The following SOS2 variants were observed in gnomAD, a reference collection of about 807,000 sequenced individuals.
The protein encoded by SOS2 is son of sevenless homolog 2.
In SOS2, 65 loss-of-function variants were observed where a neutral mutation model predicts 148.2. That is an observed-to-expected ratio of 0.44 (90% CI 0.36 to 0.54). The LOEUF (loss-of-function observed/expected upper bound fraction) is 0.54, where lower values mean the gene tolerates loss of function less well. Among genes scored for constraint, SOS2 ranks in the 20% least tolerant of loss-of-function variants. SOS2 has a pLI of 0.00. For synonymous variants in SOS2, 539 were observed against 537.1 expected, an observed-to-expected ratio of 1.00 and a Z score of -0.05; for missense variants, 1,341 against 1,590.2, an observed-to-expected ratio of 0.84 and a Z score of 2.67.
intron 16 of SOS2, among the ~76,000 whole-genome samples, chr14:50,143,149 T>C (rs1388525219): frequency 6.6e-6 from 1 of 151,940 alleles, no homozygotes; most frequent in East Asian, 1.9e-4. Context: ...CTTTAATATA[T>C]GAAAAATCCA....
chr14:50,201,532 G>A (rs1215229011), intron 2 of SOS2, among the ~76,000 whole-genome samples: 1,084 of 90,344 alleles, frequency 0.012, no homozygotes, highest in South Asian at 0.017. Context: ...ACCCCCAACA[G>A]AAAAAAAAAA....
chr14:50,159,635 G>A lies in SOS2; in HGVS notation c.1648C>T (p.Arg550Ter). ...ISLHYRSTLD[R>*]MLDSVLLKEE... is the part of the protein sequence containing the mutation. ...TTCAATAATACTGAATCTAACATTC[G>A]ATCTAGAGTACTACGATAATGAAGA... Residue 550 changes from arginine (R) to a stop codon, truncating the protein, a stop_gained, in exon 10 of 23, where the codon CGA becomes TGA. Transcript: ENST00000216373. LOFTEE classifies it high-confidence loss of function. The A allele has an allele frequency of 1.2e-6, 2 of 1,613,380 alleles. No individual in the cohort carries two copies. The highest frequency in any genetic ancestry group is 1.7e-6 in the Non-Finnish European group (2 of 1,179,502).
At chr14:50,217,648 AC>A (rs1437575131) in intron 1 of SOS2, among the ~76,000 whole-genome samples, 9 of 152,216 alleles carry the variant, frequency 5.9e-5, no homozygotes, top group African/African-American at 2.2e-4. Flanking sequence ...CCCTAAAAAA[AC>A]AAATTGATAA....
chr14:50,161,792 T>TC (rs983192032), intron 8 of SOS2, among the ~76,000 whole-genome samples, 183 bp from the exon 9 acceptor site: 55 of 64,304 alleles, frequency 8.6e-4, no homozygotes, highest in African/African-American at 3.4e-3. Context: ...TTTCTTTCTT[T>TC]TTTTTTTTTT....
intron 16 of SOS2, 89 bp downstream of exon 16, chr14:50,145,076 GAATTT>G (rs1267398234): frequency 6.6e-6 from 4 of 601,588 alleles, no homozygotes; most frequent in African/African-American, 3.9e-5. Flanking sequence ...AATTTACAAA[GAATTT>G]AATTAAAAAG....
At chr14:50,219,236 T>C (rs372865456) in intron 1 of SOS2, among the ~76,000 whole-genome samples, 15 of 152,252 alleles carry the variant, frequency 9.9e-5, no homozygotes, top group African/African-American at 3.4e-4. Flanking sequence ...CAAATATACA[T>C]AGCAGCTTTA....
chr14:50,144,638 G>A lies in SOS2; in HGVS notation c.2667+532C>T, dbSNP rs575350860. Among the ~76,000 whole-genome samples the A allele has an allele frequency of 1.5e-4, 23 of 151,672 alleles. No individual in the cohort carries two copies. In the South Asian group the frequency reaches 2.9e-3, roughly 19 times the overall value. On this transcript the variant is annotated intron_variant, in intron 16 of 22. Coordinates refer to ENST00000216373, the MANE Select transcript of SOS2 (RefSeq NM_006939.4). Reference sequence around the variant, plus strand: ...TTTTTAGTAGAGATGGGGTTTCGCCGCGTTGTCCAGGTTGGTTTCGAACTC... The same window carrying A: ...TTTTTAGTAGAGATGGGGTTTCGCCACGTTGTCCAGGTTGGTTTCGAACTC...
intron 1 of SOS2, among the ~76,000 whole-genome samples, chr14:50,212,017 C>G (rs929638113): frequency 6.6e-6 from 1 of 151,946 alleles, no homozygotes; most frequent in African/African-American, 2.4e-5. Context: ...TGGATGCACC[C>G]TGAAAAAATG....
intron 1 of SOS2, among the ~76,000 whole-genome samples, chr14:50,211,059 T>C (rs1320949291): frequency 5.3e-5 from 8 of 151,906 alleles, no homozygotes; most frequent in Non-Finnish European, 1.5e-5. Context: ...TCAGGATAGA[T>C]TTACATATAT....
At chr14:50,209,274 C>CGT (rs140994310) in intron 1 of SOS2, among the ~76,000 whole-genome samples, 1,988 of 118,338 alleles carry the variant, frequency 0.017, 48 homozygotes, top group South Asian at 0.051. Flanking sequence ...CCTTAAATGT[C>CGT]GTGTGTGTGT....
At chr14:50,205,091 T>C (rs1042582293) in intron 1 of SOS2, among the ~76,000 whole-genome samples, 2 of 152,146 alleles carry the variant, frequency 1.3e-5, no homozygotes, top group African/African-American at 4.8e-5. Flanking sequence ...TTCCTTTCTT[T>C]TCTTTTTTTG....
intron 7 of SOS2, among the ~76,000 whole-genome samples, chr14:50,178,576 G>A (rs1163731181): frequency 6.6e-6 from 1 of 150,818 alleles, no homozygotes; most frequent in African/African-American, 2.4e-5. Flanking sequence ...TGATCCTCCT[G>A]CCTCCAAGTG....
At chr14:50,137,278 C>T (rs1884112884) in intron 18 of SOS2, among the ~76,000 whole-genome samples, 1 of 152,152 alleles carries the variant, frequency 6.6e-6, no homozygotes, top group South Asian at 2.1e-4. Flanking sequence ...GAAAAATCAT[C>T]TTCTGCCAGG....
intron 22 of SOS2, 104 bp from the exon 23 acceptor site, chr14:50,118,957 C>T (rs796931270): frequency 1.6e-6 from 1 of 629,096 alleles, no homozygotes; most frequent in Admixed American, 3.5e-5. Context: ...TTCAGAGGCT[C>T]AAAATAAACT....
chr14:50,163,682 T>C (rs79680588), intron 8 of SOS2, among the ~76,000 whole-genome samples: 1,573 of 152,324 alleles, frequency 0.01, 7 homozygotes, highest in Non-Finnish European at 0.015. Context: ...ATCACTTATT[T>C]TGCTGCTTTA....
rs189562795 is a variant in SOS2 at position 50,135,917 on chromosome 14, A to G, written c.2959-1678T>C. Among the ~76,000 whole-genome samples the G allele has an allele frequency of 6.4e-4, 97 of 152,070 alleles. 1 individual carries two copies. The East Asian group carries it at 0.012, about 19-fold the overall frequency. ...TCTGTACATTTTTTATGATTTCCTTAGAAAAATTCCTTAGCAGCAAATTAC... is the reference window on the plus strand; with the variant it reads ...TCTGTACATTTTTTATGATTTCCTTGGAAAAATTCCTTAGCAGCAAATTAC... On this transcript the variant is annotated intron_variant, in intron 18 of 22. Transcript: ENST00000216373.
chr14:50,201,289 T>C (rs867517170), intron 2 of SOS2, among the ~76,000 whole-genome samples: 3 of 151,684 alleles, frequency 2.0e-5, no homozygotes, highest in African/African-American at 7.3e-5. Context: ...TCCCAACACT[T>C]TGGGAGGCTG....
Position 50,159,903 on chromosome 14 carries a change from A to G in SOS2, c.1380T>C (p.Phe460=), listed in dbSNP as rs1884939937. 6.2e-7 allele frequency: 1 copy of G among 1,614,046 alleles called. No homozygotes were observed. Among genetic ancestry groups the G allele is most frequent in the South Asian group, 1.1e-5 (1 of 91,082 alleles). The part of the protein sequence containing the change: ...RIGAKHERHI[F]LFDGLMISCK... ...AACTGATCATTAAGCCATCAAACAG[A>G]AAAATATGCCGTTCATGTTTGGCAC... Residue 460 remains phenylalanine (F), a synonymous_variant, in exon 10 of 23, where the codon TTT becomes TTC. Coordinates refer to ENST00000216373, the MANE Select transcript of SOS2 (RefSeq NM_006939.4).
chr14:50,179,632 T>C lies in SOS2; in HGVS notation c.969+940A>G, dbSNP rs188337476. Among the ~76,000 whole-genome samples the C allele has an allele frequency of 9.2e-5, 14 of 152,322 alleles. No homozygotes were observed. The East Asian group carries it at 2.5e-3, about 27-fold the overall frequency. On this transcript the variant is annotated intron_variant, in intron 7 of 22. Transcript: ENST00000216373. The stretch of plus-strand genomic sequence containing the variant: ...CTCTGACCTTAGCCTCCCAAAGTGC[T>C]GGGATTATAGGCAAGAGCCACCACG...
Sources: allele counts gnomAD v4.1 joint callset (sites outside exome capture counted in the v4.1 genomes callset), GRCh38; gene constraint gnomAD v4.1.1; transcripts MANE v1.5; gene names NCBI Gene and HGNC (gene_info 2026-07-23, HGNC 2026-07-21).